Variants in ABRAXAS2 observed in about 807,000 individuals in gnomAD.
ABRAXAS2 encodes abraxas 2, BRISC complex subunit, also known as BRISC complex subunit Abraxas 2.
In ABRAXAS2, 23 loss-of-function variants were observed where a neutral mutation model predicts 49.0. That is an observed-to-expected ratio of 0.47 (90% CI 0.34 to 0.66). The LOEUF is 0.66. Among genes scored for constraint, ABRAXAS2 ranks in the 30% least tolerant of loss-of-function variants. The probability of loss-of-function intolerance (pLI) is 0.01; values close to 1 mark genes in which losing one functional copy is unlikely to be tolerated. For missense variants in ABRAXAS2, 443 were observed against 511.9 expected (o/e 0.87, Z 1.30); for synonymous variants, 168 against 180.2 (o/e 0.93, Z 0.54).
rs187444776 is a variant in ABRAXAS2 at position 124,815,392 on chromosome 10, C to T, written c.164-1184C>T. ...TGTATTTTTGGTGGAGACGAGGTTT[C>T]ACCGTGTTAGCCAGGATGGTCTCGA... On this transcript the variant is annotated intron_variant, in intron 2 of 8. Coordinates refer to ENST00000298492, the MANE Select transcript of ABRAXAS2 (RefSeq NM_032182.4). 3.3e-3 allele frequency among the ~76,000 whole-genome samples: 507 copies of T among 152,130 alleles called. 2 individuals carry two copies. Among genetic ancestry groups the T allele is most frequent in the African/African-American group, 0.011 (477 of 41,502 alleles).
At chr10:124,819,159 G>C (rs1296525239) in intron 3 of ABRAXAS2, among the ~76,000 whole-genome samples, 3 of 152,116 alleles carry the variant, frequency 2.0e-5, no homozygotes, top group African/African-American at 7.2e-5. Flanking sequence ...TCCCACATGT[G>C]GAAGTAATAT....
At chr10:124,832,949 C>G (rs1167619577) in intron 8 of ABRAXAS2, among the ~76,000 whole-genome samples, 4 of 151,126 alleles carry the variant, frequency 2.6e-5, no homozygotes, top group Non-Finnish European at 5.9e-5. Context: ...AGTTCGAGAC[C>G]AGCCTGACCA....
intron 8 of ABRAXAS2, 62 bp downstream of exon 8, chr10:124,831,525 A>G (rs1033224859): frequency 4.7e-6 from 4 of 854,294 alleles, no homozygotes; most frequent in East Asian, 2.6e-5. Flanking sequence ...ACATCAGATT[A>G]TACTATACAA....
chr10:124,823,873 C>T (rs1227647122), intron 4 of ABRAXAS2, among the ~76,000 whole-genome samples: 4 of 152,228 alleles, frequency 2.6e-5, no homozygotes, highest in Non-Finnish European at 5.9e-5. Context: ...ATTAATTTGG[C>T]ATCTCATCCT....
intron 5 of ABRAXAS2, among the ~76,000 whole-genome samples, chr10:124,827,735 G>A (rs1268216072): frequency 6.7e-6 from 1 of 148,536 alleles, no homozygotes; most frequent in Admixed American, 6.7e-5. Context: ...GTTTTGCATC[G>A]TGAACTTGTT....
chr10:124,816,634 A>G (rs2134163974), intron 3 of ABRAXAS2, 22 bp downstream of exon 3: 1 of 1,558,178 alleles, frequency 6.4e-7, no homozygotes, highest in East Asian at 2.2e-5. Flanking sequence ...GTAAGCTTTT[A>G]GTCCTTACTA....
At position 124,835,233 on chromosome 10, in the gene ABRAXAS2, G is replaced by GTATTTCT. The variant is rs1950962394; in HGVS notation, c.*262_*263insTATTTCT. The stretch of plus-strand genomic sequence containing the variant: ...ATTCATGGATATACTGGTAAATTTA[G>GTATTTCT]GCAAAGTGAAACTTATCAGCGTAGT... On this transcript the variant is annotated 3_prime_UTR_variant, in exon 9 of 9. Transcript: ENST00000298492. 6.3e-6 allele frequency: 2 copies of GTATTTCT among 317,768 alleles called. No individual in the cohort carries two copies. The highest frequency in any genetic ancestry group is 9.0e-5 in the Admixed American group (2 of 22,196). The allele number at this position is 317,768 out of a possible 1,614,324, so 19.7% of individuals were successfully genotyped here.
rs1950844034 is a variant in ABRAXAS2, at chr10:124,819,070, G to A, written c.201-314G>A. On this transcript the variant is annotated intron_variant, in intron 3 of 8. Coordinates refer to ENST00000298492, the MANE Select transcript of ABRAXAS2 (RefSeq NM_032182.4). The stretch of plus-strand genomic sequence containing the variant: ...CTGCTACGTTATCTTTTTTTCATAA[G>A]TAATTGATACCTAGAAACAAAGAAA... Among the ~76,000 whole-genome samples, 2 of 151,966 alleles carry A rather than the reference G, an allele frequency of 1.3e-5. 1 individual carries two copies. The highest frequency in any genetic ancestry group is 4.2e-4 in the South Asian group (2 of 4,818).
chr10:124,834,966 A>G lies in ABRAXAS2; in HGVS notation c.1243A>G (p.Ile415Val). The change falls in exon 9 of 9, where the codon ATT becomes GTT. Residue 415 changes from isoleucine (I) to valine (V), a missense_variant. Around this residue, in one of 3 missense-constraint regions of ABRAXAS2, gnomAD observed 230 missense variants for 237.0 expected, o/e 0.97. Coordinates refer to ENST00000298492, the MANE Select transcript of ABRAXAS2 (RefSeq NM_032182.4). ...CCCCAGGAACACTCAGACCTCCCAG[A>G]TTTAACTAAACAAAAGAAACTCTCC... ...EDPRNTQTSQ[I>V] 1 of 1,591,390 alleles carries G rather than the reference A, an allele frequency of 6.3e-7. No individual in the cohort carries two copies. The highest frequency in any genetic ancestry group is 1.7e-4 in the Middle Eastern group (1 of 5,914).
At chr10:124,810,790 C>T (rs957523649) in intron 2 of ABRAXAS2, among the ~76,000 whole-genome samples, 4 of 150,910 alleles carry the variant, frequency 2.7e-5, no homozygotes, top group African/African-American at 9.7e-5. Flanking sequence ...ACCATGTTGG[C>T]CAGGATGGTC....
intron 4 of ABRAXAS2, among the ~76,000 whole-genome samples, chr10:124,823,898 G>A (rs1318573101): frequency 1.3e-5 from 2 of 152,172 alleles, no homozygotes; most frequent in Non-Finnish European, 2.9e-5. Flanking sequence ...TGATGAGAAT[G>A]ACAGGAGAAT....
At chr10:124,805,225 C>T (rs1426770798) in intron 1 of ABRAXAS2, among the ~76,000 whole-genome samples, 1 of 151,374 alleles carries the variant, frequency 6.6e-6, no homozygotes, top group Admixed American at 6.6e-5. Flanking sequence ...CCCAGCTACT[C>T]GGGAGGCTGA....
At chr10:124,805,780 G>A (rs1322284014) in intron 1 of ABRAXAS2, among the ~76,000 whole-genome samples, 1 of 152,220 alleles carries the variant, frequency 6.6e-6, no homozygotes, top group African/African-American at 2.4e-5. Flanking sequence ...AGACCTGAAT[G>A]AAGGAAAGGA....
chr10:124,802,021 G>A, intron 1 of ABRAXAS2, 120 bp downstream of exon 1: 1 of 977,580 alleles, frequency 1.0e-6, no homozygotes, highest in Non-Finnish European at 1.5e-6. Context: ...GCCGGCCGGA[G>A]GAGCTGGTGA....
chr10:124,806,396 C>T, intron 1 of ABRAXAS2, among the ~76,000 whole-genome samples: 1 of 151,922 alleles, frequency 6.6e-6, no homozygotes, highest in Non-Finnish European at 1.5e-5. Context: ...TTTTCTATGC[C>T]AGCCTGTATA....
rs576377910 is a variant in ABRAXAS2 at position 124,809,440 on chromosome 10, A to G, written c.163+2519A>G. Among the ~76,000 whole-genome samples the G allele has an allele frequency of 2.7e-5, 4 of 146,520 alleles. No individual in the cohort carries two copies. In the East Asian group the frequency reaches 8.4e-4, roughly 31 times the overall value. ...GCTGGGATTACAGGTGCATGCCACC[A>G]TGCCCGGCTAATTTTTGTATTTTTA... is the stretch of plus-strand genomic sequence containing the variant. On this transcript the variant is annotated intron_variant, in intron 2 of 8. Transcript: ENST00000298492.
At chr10:124,824,225 G>A (rs1323752656) in intron 4 of ABRAXAS2, among the ~76,000 whole-genome samples, 5 of 152,074 alleles carry the variant, frequency 3.3e-5, no homozygotes, top group Admixed American at 6.6e-5. Flanking sequence ...TAGAACTGTT[G>A]GCATCTATCA....
intron 2 of ABRAXAS2, among the ~76,000 whole-genome samples, chr10:124,816,147 C>T (rs1010221131): frequency 1.8e-4 from 27 of 152,126 alleles, no homozygotes; most frequent in African/African-American, 5.8e-4. Context: ...GTGATCTGTC[C>T]GCCTCAGCTT....
intron 3 of ABRAXAS2, among the ~76,000 whole-genome samples, chr10:124,816,982 T>C (rs1206341622): frequency 6.6e-6 from 1 of 152,242 alleles, no homozygotes; most frequent in Admixed American, 6.5e-5. Flanking sequence ...TTGTGTTTGT[T>C]GAAGTGAATA....
Sources: allele counts gnomAD v4.1 joint callset (sites outside exome capture counted in the v4.1 genomes callset), GRCh38; gene constraint gnomAD v4.1.1; regional missense constraint gnomAD v4.1.1; transcripts MANE v1.5; gene names NCBI Gene and HGNC (gene_info 2026-07-23, HGNC 2026-07-21).